RPTOR: variants seen among roughly 807,000 people sequenced by gnomAD.
RPTOR encodes regulatory associated protein of MTOR complex 1.
RPTOR carries 21 observed loss-of-function variants against 169.9 expected under a neutral mutation model. That is an observed-to-expected ratio of 0.12 (90% CI 0.09 to 0.18). RPTOR has a LOEUF of 0.18. Ranked by LOEUF, RPTOR falls within the 10% of genes least tolerant of loss-of-function variation. RPTOR has a pLI of 1.00. For synonymous variants in RPTOR, 732 were observed against 753.2 expected (o/e 0.97, Z 0.46); for missense variants, 1,133 against 1,855.9 (o/e 0.61, Z 7.16).
intron 6 of RPTOR, among the ~76,000 whole-genome samples, chr17:80,766,076 G>T (rs1384701454): frequency 6.6e-6 from 1 of 152,012 alleles, no homozygotes; most frequent in African/African-American, 2.4e-5. Flanking sequence ...TTTTTTTTAA[G>T]ACGTGATCTT....
At chr17:80,921,839 G>A (rs760219135) in intron 21 of RPTOR, among the ~76,000 whole-genome samples, 52 of 152,092 alleles carry the variant, frequency 3.4e-4, no homozygotes, top group Admixed American at 7.9e-4. Context: ...CTGCCAGTGC[G>A]CCCCTCCCCA....
At chr17:80,850,410 T>C (rs1373769771) in intron 11 of RPTOR, among the ~76,000 whole-genome samples, 1 of 152,202 alleles carries the variant, frequency 6.6e-6, no homozygotes, top group African/African-American at 2.4e-5. Context: ...TCTGGCTGAG[T>C]AGTATTCCAT....
intron 5 of RPTOR, among the ~76,000 whole-genome samples, chr17:80,744,647 TCTCCTG>T (rs2066546574): frequency 1.1e-4 from 1 of 8,744 alleles, no homozygotes; most frequent in Non-Finnish European, 2.3e-4. Context: ...CTACTAGCAC[TCTCCTG>T]GTTACGAGCA....
chr17:80,802,601 A>C (rs1458237442), intron 7 of RPTOR: 1 of 152,564 alleles, frequency 6.6e-6, no homozygotes, highest in Non-Finnish European at 1.5e-5. Flanking sequence ...TCAAAAAAAA[A>C]AAAAGAAAAG....
intron 7 of RPTOR, among the ~76,000 whole-genome samples, chr17:80,808,252 C>T (rs1305563881): frequency 1.3e-5 from 2 of 152,104 alleles, no homozygotes; most frequent in Non-Finnish European, 2.9e-5. Flanking sequence ...TAGCAAGACC[C>T]CAGCTCTACA....
chr17:80,744,266 C>T (rs1363979925), intron 5 of RPTOR, among the ~76,000 whole-genome samples: 27 of 102,980 alleles, frequency 2.6e-4, no homozygotes, highest in African/African-American at 3.4e-4. Context: ...TGGCTACTAG[C>T]ACAGCCCTGG....
At chr17:80,857,128 C>T (rs1029438403) in intron 12 of RPTOR, among the ~76,000 whole-genome samples, 1 of 152,236 alleles carries the variant, frequency 6.6e-6, no homozygotes, top group African/African-American at 2.4e-5. Flanking sequence ...TGCAGCAGTA[C>T]TTTGCCAGGC....
chr17:80,684,341 C>CTTGTGTTTCATTACT (rs1484674148), intron 3 of RPTOR, among the ~76,000 whole-genome samples: 1 of 151,464 alleles, frequency 6.6e-6, no homozygotes, highest in Non-Finnish European at 1.5e-5. Flanking sequence ...TCCAGGCTGC[C>CTTGTGTTTCATTACT]TTGTGTTTCA....
chr17:80,883,487 G>A lies in RPTOR; in HGVS notation c.1650+3G>A. Reference sequence around the variant, plus strand: ...TCAACAGCTATCACACGGGGCAGGTGAGCCCCCCAGCCACCCCCAGCCCCA... The same window carrying A: ...TCAACAGCTATCACACGGGGCAGGTAAGCCCCCCAGCCACCCCCAGCCCCA... On this transcript the variant is annotated splice_donor_region_variant and intron_variant, in intron 15 of 33. Transcript: ENST00000306801. 1.2e-6 allele frequency: 2 copies of A among 1,613,684 alleles called. No individual in the cohort carries two copies. The highest frequency in any genetic ancestry group is 1.7e-6 in the Non-Finnish European group (2 of 1,179,756).
chr17:80,671,330 G>T (rs2065820443), intron 3 of RPTOR, among the ~76,000 whole-genome samples: 1 of 152,154 alleles, frequency 6.6e-6, no homozygotes, highest in South Asian at 2.1e-4. Flanking sequence ...GAGAGAGAGA[G>T]TGTGTTCCTG....
Position 80,730,754 on chromosome 17 carries a change from T to TTTTTG in RPTOR, c.654+48_654+49insTTTTG. Reference sequence around the variant, plus strand: ...AGCGGTGCTGGGTTTGGTTTTGTTTTCCCTGGGGGTGGGGTTTGGGTGGGG... The same window carrying TTTTTG: ...AGCGGTGCTGGGTTTGGTTTTGTTTTTTTTGCCCTGGGGGTGGGGTTTGGGTGGGG... On this transcript the variant is annotated intron_variant, in intron 5 of 33. Coordinates refer to ENST00000306801, the MANE Select transcript of RPTOR (RefSeq NM_020761.3). This position sits in a 1 kb window ranked among gnomAD's most constrained non-coding sequence, Gnocchi z 4.2. The TTTTTG allele has an allele frequency of 3.5e-5, 25 of 721,362 alleles. No individual in the cohort carries two copies. Among genetic ancestry groups the TTTTTG allele is most frequent in the East Asian group, 1.5e-4 (3 of 19,418 alleles). 44.7% of individuals were successfully genotyped at this position (721,362 alleles called of 1,614,324 possible).
rs769373400 is a variant in RPTOR at position 80,959,863 on chromosome 17, C to T, written c.3478-215C>T. 3.3e-5 allele frequency among the ~76,000 whole-genome samples: 5 copies of T among 152,146 alleles called. No homozygotes were observed. Among genetic ancestry groups the T allele is most frequent in the African/African-American group, 4.8e-5 (2 of 41,432 alleles). On this transcript the variant is annotated intron_variant, in intron 29 of 33. Transcript: ENST00000306801. The surrounding 1 kb of genome is among the most constrained non-coding windows in gnomAD (Gnocchi z 6.7). ...TCCCTCCAGGGCCAAGGGATAAGGG[C>T]GTGACTCATTGTCCTGCCAGCCCCT... is the stretch of plus-strand genomic sequence containing the variant.
At chr17:80,563,379 A>G (rs2084526804) in intron 1 of RPTOR, among the ~76,000 whole-genome samples, 2 of 151,560 alleles carry the variant, frequency 1.3e-5, no homozygotes, top group Admixed American at 6.6e-5. Flanking sequence ...CTAAAAATAC[A>G]AAAATTAGCC....
rs1304903497 is a variant in RPTOR, at chr17:80,878,372, A to G, written c.1510-2043A>G. 6.6e-6 allele frequency among the ~76,000 whole-genome samples: 1 copy of G among 151,206 alleles called. No individual in the cohort carries two copies. The highest frequency in any genetic ancestry group is 1.5e-5 in the Non-Finnish European group (1 of 67,840). ...CACAGATTTTTTTTTTTTGAGACGT[A>G]GTCTTGCTCTGTCGCCCAGGCTGGA... On this transcript the variant is annotated intron_variant, in intron 13 of 33. Transcript: ENST00000306801. This position sits in a 1 kb window ranked among gnomAD's most constrained non-coding sequence, Gnocchi z 4.1.
chr17:80,755,566 G>A (rs555568934), intron 6 of RPTOR, among the ~76,000 whole-genome samples: 2 of 152,018 alleles, frequency 1.3e-5, no homozygotes, highest in African/African-American at 4.8e-5. Flanking sequence ...GCGAAACCCT[G>A]TCTATACTAA....
chr17:80,742,197 A>G (rs1432195321), intron 5 of RPTOR, among the ~76,000 whole-genome samples: 1 of 152,102 alleles, frequency 6.6e-6, no homozygotes, highest in African/African-American at 2.4e-5. Context: ...TTATGAGAGC[A>G]TGTGTTTGTG....
chr17:80,809,711 T>C (rs1164900763), intron 7 of RPTOR, among the ~76,000 whole-genome samples: 1 of 152,162 alleles, frequency 6.6e-6, no homozygotes, highest in Non-Finnish European at 1.5e-5. Context: ...ATTGTGAACA[T>C]TTTTGCTAAG....
rs2069396148 is a variant in RPTOR at position 80,964,325 on chromosome 17, A to G, written c.4003A>G (p.Arg1335Gly). ...ISVYSVEKRV[R>G] ...CGTGTACTCGGTGGAGAAGCGTGTCAGATAGCGGCGTGACCCGGGCCCACC... is the reference window on the plus strand; with the variant it reads ...CGTGTACTCGGTGGAGAAGCGTGTCGGATAGCGGCGTGACCCGGGCCCACC... The change falls in exon 34 of 34, where the codon AGA becomes GGA. Residue 1335 changes from arginine (R) to glycine (G), a missense_variant. Transcript: ENST00000306801. 6.2e-7 allele frequency: 1 copy of G among 1,607,144 alleles called. No homozygotes were observed. The highest frequency in any genetic ancestry group is 8.5e-7 in the Non-Finnish European group (1 of 1,179,808).
chr17:80,903,129 A>G (rs796598027), intron 20 of RPTOR, among the ~76,000 whole-genome samples: 18 of 152,298 alleles, frequency 1.2e-4, no homozygotes, highest in South Asian at 4.1e-4. Flanking sequence ...GGGGAGGGCG[A>G]GAAAGGAACA....
Sources: allele counts gnomAD v4.1 joint callset (sites outside exome capture counted in the v4.1 genomes callset), GRCh38; gene constraint gnomAD v4.1.1; non-coding constraint Gnocchi (gnomAD v3.1); transcripts MANE v1.5; gene names NCBI Gene and HGNC (gene_info 2026-07-23, HGNC 2026-07-21).